Variants in NREP observed in about 807,000 individuals in gnomAD.
The protein encoded by NREP is neuronal regeneration-related protein.
NREP carries 5 observed loss-of-function variants against 8.6 expected under a neutral mutation model. The observed-to-expected ratio is 0.58, with a 90% CI of 0.30 to 1.22. The LOEUF (loss-of-function observed/expected upper bound fraction) is 1.22, where lower values mean the gene tolerates loss of function less well. NREP is among the 50% of genes most tolerant of loss of function. The pLI is 0.07. For synonymous variants in NREP, 27 were observed against 28.0 expected (o/e 0.96, Z 0.11); for missense variants, 86 against 82.5 (o/e 1.04, Z -0.17).
chr5:111,835,135 T>C lies in NREP; in HGVS notation c.136-99628A>G, dbSNP rs186274754. On this transcript the variant is annotated intron_variant, in intron 2 of 3. Coordinates refer to the NREP transcript ENST00000395634. ...ACACAAACAGGAAAGTTAGTTGATTTCCTATTCAATACATGACACAACTTT... is the reference window on the plus strand; with the variant it reads ...ACACAAACAGGAAAGTTAGTTGATTCCCTATTCAATACATGACACAACTTT... 9.8e-5 allele frequency among the ~76,000 whole-genome samples: 15 copies of C among 152,290 alleles called. No individual in the cohort carries two copies. In the East Asian group the frequency reaches 2.9e-3, roughly 29 times the overall value.
intron 2 of NREP, among the ~76,000 whole-genome samples, chr5:111,934,238 C>T (rs961545350): frequency 2.6e-5 from 4 of 151,966 alleles, no homozygotes; most frequent in Non-Finnish European, 5.9e-5. Context: ...TGCGGGCATA[C>T]GTTGGGTTAT....
chr5:111,819,197 C>T (rs1263235597), intron 2 of NREP, among the ~76,000 whole-genome samples: 1 of 152,124 alleles, frequency 6.6e-6, no homozygotes, highest in Non-Finnish European at 1.5e-5. Flanking sequence ...CTGAGTCACC[C>T]CTGGTCACCT....
At chr5:111,842,737 A>C (rs1203604621) in intron 2 of NREP, among the ~76,000 whole-genome samples, 1 of 152,112 alleles carries the variant, frequency 6.6e-6, no homozygotes, top group East Asian at 1.9e-4. Flanking sequence ...TCCCTTTAGC[A>C]TTTCTTGTTA....
Position 111,864,780 on chromosome 5 carries a change from G to GT in NREP, c.135+110493dup, listed in dbSNP as rs1384362742. On this transcript the variant is annotated intron_variant, in intron 2 of 3. Transcript: ENST00000395634. ...TTGATATTAGATCCATGGAAATATC[G>GT]TACCTATCAAAATTTAAATTAAAAA... Among the ~76,000 whole-genome samples the GT allele has an allele frequency of 5.9e-5, 9 of 151,890 alleles. No individual in the cohort carries two copies. The East Asian group carries it at 9.6e-4, about 16-fold the overall frequency.
chr5:111,789,305 T>G (rs1215279987), intron 2 of NREP, among the ~76,000 whole-genome samples: 1 of 152,190 alleles, frequency 6.6e-6, no homozygotes. Context: ...AAACACATTG[T>G]GCAAAAAATT....
At chr5:111,954,031 G>A (rs1393026527) in intron 2 of NREP, among the ~76,000 whole-genome samples, 2 of 152,062 alleles carry the variant, frequency 1.3e-5, no homozygotes, top group Non-Finnish European at 2.9e-5. Context: ...ATGTTCTAGG[G>A]CTCTGCAAAT....
rs187855408 is a variant in NREP, at chr5:111,886,776, A to T, written c.135+88498T>A. Among the ~76,000 whole-genome samples, 35 of 150,640 alleles carry T rather than the reference A, an allele frequency of 2.3e-4. No homozygotes were observed. The East Asian group carries it at 6.9e-3, about 30-fold the overall frequency. ...TCATAGGTGGGAACTGAACAATGAGACCACATGGACACAGGAAGGGGAACA... is the reference window on the plus strand; with the variant it reads ...TCATAGGTGGGAACTGAACAATGAGTCCACATGGACACAGGAAGGGGAACA... On this transcript the variant is annotated intron_variant, in intron 2 of 3. Transcript: ENST00000395634.
At chr5:111,740,953 C>A (rs1749596754) in intron 2 of NREP, among the ~76,000 whole-genome samples, 1 of 152,092 alleles carries the variant, frequency 6.6e-6, no homozygotes, top group Non-Finnish European at 1.5e-5. Context: ...AGGATTATAT[C>A]TTTTTGCAGA....
chr5:111,812,178 T>C lies in NREP; in HGVS notation c.136-76671A>G, dbSNP rs73223694. Among the ~76,000 whole-genome samples the C allele has an allele frequency of 9.2e-4, 140 of 152,020 alleles. No homozygotes were observed. The Middle Eastern group carries it at 0.01, about 11-fold the overall frequency. ...GGCTCACACCGGTAGTCCCAGCTAA[T>C]TGGGAGGCTGAGGTGGGAAGACTGC... On this transcript the variant is annotated intron_variant, in intron 2 of 3. Coordinates refer to the NREP transcript ENST00000395634.
chr5:111,904,297 C>A (rs2112553196), intron 2 of NREP, among the ~76,000 whole-genome samples: 1 of 152,212 alleles, frequency 6.6e-6, no homozygotes, highest in South Asian at 2.1e-4. Context: ...TGTCACATAT[C>A]TATCATGGTA....
At chr5:111,737,156 C>T (rs535622002) in intron 2 of NREP, among the ~76,000 whole-genome samples, 1 of 152,246 alleles carries the variant, frequency 6.6e-6, no homozygotes, top group African/African-American at 2.4e-5. Context: ...GAAAGTAATC[C>T]ACCATCTGCC....
rs1177091165 is a variant in NREP, at chr5:111,729,893, A to G, written c.*1028T>C. On this transcript the variant is annotated 3_prime_UTR_variant, in exon 4 of 4. Transcript: ENST00000257435. Reference sequence around the variant, plus strand: ...AATATTTGGAAAAGGTGTCATTTTCATATTCCCACTCAGATGCCAGTGTTT... The same window carrying G: ...AATATTTGGAAAAGGTGTCATTTTCGTATTCCCACTCAGATGCCAGTGTTT... 1.3e-5 allele frequency: 2 copies of G among 152,648 alleles called. No individual in the cohort carries two copies. The highest frequency in any genetic ancestry group is 2.9e-5 in the Non-Finnish European group (2 of 68,044). 9.5% of individuals were successfully genotyped at this position (152,648 alleles called of 1,614,324 possible). A position where few individuals can be genotyped will look rare whatever the true frequency, so the allele number is the denominator to read the frequency against.
chr5:111,806,457 T>A (rs1752142853), intron 2 of NREP, among the ~76,000 whole-genome samples: 1 of 152,218 alleles, frequency 6.6e-6, no homozygotes, highest in South Asian at 2.1e-4. Flanking sequence ...GTGTTCATAT[T>A]CTGTCACAGT....
intron 2 of NREP, among the ~76,000 whole-genome samples, chr5:111,764,852 T>C (rs1255553313): frequency 6.6e-6 from 1 of 152,232 alleles, no homozygotes; most frequent in African/African-American, 2.4e-5. Flanking sequence ...TAAAGAATTA[T>C]GAAGGTGCTT....
intron 2 of NREP, among the ~76,000 whole-genome samples, chr5:111,924,705 T>C (rs1253310949): frequency 6.6e-6 from 1 of 152,174 alleles, no homozygotes; most frequent in Non-Finnish European, 1.5e-5. Context: ...TAATGACCTC[T>C]GGCCCTTTTC....
At chr5:111,784,608 T>A (rs1381457172) in intron 2 of NREP, among the ~76,000 whole-genome samples, 2 of 152,306 alleles carry the variant, frequency 1.3e-5, no homozygotes, top group African/African-American at 4.8e-5. Flanking sequence ...GTTGAAGAAA[T>A]ATTATTTCAA....
At chr5:111,888,183 G>A (rs1754307093) in intron 2 of NREP, among the ~76,000 whole-genome samples, 1 of 152,092 alleles carries the variant, frequency 6.6e-6, no homozygotes, top group Non-Finnish European at 1.5e-5. Flanking sequence ...AAATTATGAA[G>A]CATTAATGAT....
At chr5:111,755,879 A>C in intron 1 of NREP, 49 bp from the exon 2 acceptor site, 3 of 1,602,344 alleles carry the variant, frequency 1.9e-6, no homozygotes, top group Non-Finnish European at 2.6e-6. Flanking sequence ...ACCACAGGTC[A>C]GCAAACGAAA....
At chr5:111,864,380 C>T (rs1753619579) in intron 2 of NREP, among the ~76,000 whole-genome samples, 1 of 151,832 alleles carries the variant, frequency 6.6e-6, no homozygotes, top group Non-Finnish European at 1.5e-5. Context: ...TATCTCATGG[C>T]AATATATGAA....
Sources: allele counts gnomAD v4.1 joint callset (sites outside exome capture counted in the v4.1 genomes callset), GRCh38; gene constraint gnomAD v4.1.1; transcripts MANE v1.5; gene names NCBI Gene and HGNC (gene_info 2026-07-23, HGNC 2026-07-21).